Variants in FRMPD2 observed in about 807,000 individuals in gnomAD.
The protein encoded by FRMPD2 is FERM and PDZ domain containing 2.
In FRMPD2, 96 loss-of-function variants were observed where a neutral mutation model predicts 140.1. That is an observed-to-expected ratio of 0.69 (90% CI 0.58 to 0.81). FRMPD2 has a LOEUF of 0.81. Ranked by LOEUF, FRMPD2 falls within the 40% of genes least tolerant of loss-of-function variation. FRMPD2 has a pLI of 0.00. For missense variants in FRMPD2, 1,240 were observed against 1,447.4 expected (o/e 0.86, Z 2.32); for synonymous variants, 449 against 547.6 (o/e 0.82, Z 2.52).
chr10:48,235,676 G>C (rs576205949), intron 9 of FRMPD2, among the ~76,000 whole-genome samples: 1 of 152,224 alleles, frequency 6.6e-6, no homozygotes, highest in African/African-American at 2.4e-5. Context: ...CAATGTGTGC[G>C]CTTCCAGCCC....
chr10:48,239,779 A>G (rs184701305), intron 6 of FRMPD2, 87 bp from the exon 7 acceptor site: 53 of 890,240 alleles, frequency 6.0e-5, no homozygotes, highest in Admixed American at 4.2e-4. Flanking sequence ...GAATGGCATC[A>G]TGACTTACTA....
intron 15 of FRMPD2, among the ~76,000 whole-genome samples, chr10:48,193,567 T>TA (rs199837048): frequency 3.3e-5 from 5 of 151,956 alleles, no homozygotes; most frequent in African/African-American, 4.8e-5. Context: ...ACATTGATCA[T>TA]AAAAAAAATG....
At chr10:48,192,955 C>A in intron 15 of FRMPD2, 61 bp from the exon 16 acceptor site, 1 of 1,287,856 alleles carries the variant, frequency 7.8e-7, no homozygotes, top group East Asian at 2.3e-5. Flanking sequence ...GGATCCATTG[C>A]TCTGGTGGTT....
At chr10:48,216,309 T>TAGAC (rs1839448774) in intron 12 of FRMPD2, among the ~76,000 whole-genome samples, 1 of 152,044 alleles carries the variant, frequency 6.6e-6, no homozygotes, top group Admixed American at 6.5e-5. Context: ...GATAGATAGA[T>TAGAC]AGATAGATAG....
chr10:48,233,000 C>T (rs919836531), intron 9 of FRMPD2, among the ~76,000 whole-genome samples: 3 of 152,218 alleles, frequency 2.0e-5, no homozygotes, highest in African/African-American at 7.2e-5. Context: ...TCTTCCACTC[C>T]CTCCCCATGT....
intron 9 of FRMPD2, among the ~76,000 whole-genome samples, chr10:48,234,836 T>C (rs1839931046): frequency 6.6e-6 from 1 of 152,132 alleles, no homozygotes; most frequent in Non-Finnish European, 1.5e-5. Context: ...AATAGCACTG[T>C]TCCCATCGCC....
intron 13 of FRMPD2, among the ~76,000 whole-genome samples, chr10:48,208,886 G>T (rs1375708516): frequency 6.6e-6 from 1 of 152,200 alleles, no homozygotes; most frequent in African/African-American, 2.4e-5. Context: ...ATCCCTTGCT[G>T]CATTGAACAT....
intron 14 of FRMPD2, among the ~76,000 whole-genome samples, chr10:48,202,855 C>T (rs556455953): frequency 6.6e-6 from 1 of 152,250 alleles, no homozygotes; most frequent in African/African-American, 2.4e-5. Context: ...GGCTGGAGTG[C>T]AGTGACACAA....
chr10:48,175,130 A>C (rs1838372931), intron 23 of FRMPD2, 175 bp from the exon 24 acceptor site: 1 of 473,242 alleles, frequency 2.1e-6, no homozygotes. Context: ...GAGCAGTCTC[A>C]CTCCCTTCTT....
At chr10:48,186,904 G>A (rs765783737) in intron 17 of FRMPD2, among the ~76,000 whole-genome samples, 1 of 150,470 alleles carries the variant, frequency 6.6e-6, no homozygotes, top group Non-Finnish European at 1.5e-5. Context: ...CATATCTACA[G>A]TGAATGGTGC....
chr10:48,242,014 G>T, intron 5 of FRMPD2, 147 bp downstream of exon 5: 1 of 559,276 alleles, frequency 1.8e-6, no homozygotes, highest in Non-Finnish European at 3.1e-6. Context: ...TGCTACGAGT[G>T]GCAACGGAGC....
intron 3 of FRMPD2, among the ~76,000 whole-genome samples, chr10:48,246,730 G>C (rs1373525440): frequency 6.6e-6 from 1 of 152,228 alleles, no homozygotes; most frequent in East Asian, 1.9e-4. Flanking sequence ...GGAGGATTCT[G>C]AGCACAGCCT....
chr10:48,274,615 T>C lies in FRMPD2; in HGVS notation c.-48A>G. 6.3e-7 allele frequency: 1 copy of C among 1,596,372 alleles called. No individual in the cohort carries two copies. The highest frequency in any genetic ancestry group is 1.1e-5 in the South Asian group (1 of 90,400). On this transcript the variant is annotated 5_prime_UTR_variant, in exon 1 of 29. Transcript: ENST00000374201. ...CTAGGCCTTCATCATGGGACAACTT[T>C]CCAACAAGGAGCAGGGGTCTCTTGC...
chr10:48,226,535 T>G (rs919745886), intron 10 of FRMPD2, among the ~76,000 whole-genome samples: 4 of 152,242 alleles, frequency 2.6e-5, no homozygotes, highest in Non-Finnish European at 4.4e-5. Context: ...TTAAGCGCAC[T>G]TTTAAGAGCA....
intron 23 of FRMPD2, among the ~76,000 whole-genome samples, 194 bp downstream of exon 23, chr10:48,175,652 C>A (rs1435727293): frequency 3.3e-5 from 5 of 152,002 alleles, no homozygotes; most frequent in African/African-American, 1.2e-4. Flanking sequence ...GCAGACCCCC[C>A]AACCTATCAA....
chr10:48,189,937 A>G (rs1389473662), intron 16 of FRMPD2, among the ~76,000 whole-genome samples: 1 of 152,138 alleles, frequency 6.6e-6, no homozygotes. Context: ...CCCAGTGGGG[A>G]GGGATGACTA....
chr10:48,196,146 T>C (rs1029893380), intron 15 of FRMPD2, among the ~76,000 whole-genome samples: 1 of 152,066 alleles, frequency 6.6e-6, no homozygotes, highest in Non-Finnish European at 1.5e-5. Flanking sequence ...AGCTGAGCCA[T>C]CCTGGTGTGC....
In FRMPD2 at chr10:48,168,586, G is replaced by C. The variant is rs1838159665; in HGVS notation, c.3537+9C>G. On this transcript the variant is annotated intron_variant, in intron 27 of 28. Coordinates refer to ENST00000374201, the MANE Select transcript of FRMPD2 (RefSeq NM_001018071.4). The stretch of plus-strand genomic sequence containing the variant: ...CCAGGTAGAGAGAGTAGAAGACACT[G>C]CAGCCTACCTGCCATTCCTGCTCCA... 9.6e-7 allele frequency: 1 copy of C among 1,046,614 alleles called. No individual in the cohort carries two copies. Among genetic ancestry groups the C allele is most frequent in the Non-Finnish European group, 1.4e-6 (1 of 724,958 alleles). 64.8% of individuals were successfully genotyped at this position (1,046,614 alleles called of 1,614,324 possible).
intron 20 of FRMPD2, 74 bp downstream of exon 20, chr10:48,184,492 A>G (rs1318288178): frequency 9.9e-6 from 9 of 905,274 alleles, no homozygotes; most frequent in Non-Finnish European, 1.6e-5. Context: ...TTCAAGGTCT[A>G]GTACCTCACA....
Sources: gnomAD v4.1 joint callset for allele counts (sites outside exome capture counted in the v4.1 genomes callset) on GRCh38, gnomAD v4.1.1 for gene constraint, MANE v1.5 for transcripts, NCBI Gene and HGNC (gene_info 2026-07-23, HGNC 2026-07-21) for gene names.